Variants in MYO1E observed in about 807,000 individuals in gnomAD.
MYO1E encodes the protein myosin IE.
MYO1E carries 68 observed loss-of-function variants against 151.1 expected under a neutral mutation model. The observed-to-expected ratio is 0.45, with a 90% CI of 0.37 to 0.55. The LOEUF is 0.55. MYO1E is among the 20% of genes least tolerant of loss of function. The pLI is 0.00. For synonymous variants in MYO1E, 601 were observed against 501.7 expected (o/e 1.20, Z -2.64); for missense variants, 1,363 against 1,389.3 (o/e 0.98, Z 0.30).
intron 9 of MYO1E, among the ~76,000 whole-genome samples, chr15:59,219,045 G>A (rs1244890532): frequency 6.6e-6 from 1 of 152,192 alleles, no homozygotes; most frequent in Non-Finnish European, 1.5e-5. Flanking sequence ...GGCATTATAA[G>A]AAGATTCCTC....
intron 1 of MYO1E, among the ~76,000 whole-genome samples, chr15:59,308,431 G>T (rs1441083527): frequency 1.3e-5 from 2 of 152,004 alleles, no homozygotes; most frequent in Admixed American, 6.6e-5. Context: ...CAGCACTTTG[G>T]GAGGCCAAGG....
At chr15:59,330,466 T>C (rs2080691505) in intron 1 of MYO1E, among the ~76,000 whole-genome samples, 1 of 152,220 alleles carries the variant, frequency 6.6e-6, no homozygotes, top group Admixed American at 6.5e-5. Flanking sequence ...ACTCAATTAC[T>C]TGAAAAAGTA....
At chr15:59,186,577 C>A (rs1337838733) in intron 18 of MYO1E, among the ~76,000 whole-genome samples, 8 of 152,068 alleles carry the variant, frequency 5.3e-5, no homozygotes, top group Non-Finnish European at 7.3e-5. Flanking sequence ...CATAGCGAGA[C>A]CCTGTCTCTA....
intron 1 of MYO1E, among the ~76,000 whole-genome samples, chr15:59,361,050 C>T (rs1440611476): frequency 1.3e-5 from 2 of 152,148 alleles, no homozygotes; most frequent in African/African-American, 4.8e-5. Flanking sequence ...TCTTGGGAAC[C>T]CTGTGGTGTG....
At chr15:59,163,422 T>C (rs997643296) in intron 22 of MYO1E, 119 bp from the exon 23 acceptor site, 2 of 983,378 alleles carry the variant, frequency 2.0e-6, no homozygotes, top group Admixed American at 2.5e-5. Flanking sequence ...ACAGTCTTTC[T>C]TTCTATAAGT....
At chr15:59,167,581 G>A (rs972321610) in intron 22 of MYO1E, among the ~76,000 whole-genome samples, 3 of 152,174 alleles carry the variant, frequency 2.0e-5, no homozygotes, top group African/African-American at 7.2e-5. Flanking sequence ...CAGAAATCCC[G>A]TGTCTCAACT....
chr15:59,194,366 G>T (rs2079752973), intron 17 of MYO1E, among the ~76,000 whole-genome samples: 1 of 152,112 alleles, frequency 6.6e-6, no homozygotes, highest in African/African-American at 2.4e-5. Flanking sequence ...TTTGACCTAC[G>T]TGTTTTTCTT....
intron 9 of MYO1E, 103 bp downstream of exon 9, chr15:59,222,956 T>C: frequency 6.5e-7 from 1 of 1,538,158 alleles, no homozygotes; most frequent in East Asian, 2.3e-5. Flanking sequence ...TATCACTTCT[T>C]CCCAATATTC....
rs35710505 is a variant in MYO1E at position 59,312,858 on chromosome 15, A to AAATAAT, written c.4-40415_4-40410dup. Among the ~76,000 whole-genome samples the AAATAAT allele has an allele frequency of 3.5e-3, 534 of 150,630 alleles. 1 individual carries two copies. Among genetic ancestry groups the AAATAAT allele is most frequent in the African/African-American group, 0.01 (430 of 41,108 alleles). The stretch of plus-strand genomic sequence containing the variant: ...CACAATGAAACCCCGACTCTACTAA[A>AAATAAT]AATAATAATAATAATAATAATAATA... On this transcript the variant is annotated intron_variant, in intron 1 of 27. Coordinates refer to ENST00000288235, the MANE Select transcript of MYO1E (RefSeq NM_004998.4).
chr15:59,339,418 C>T (rs2080749624), intron 1 of MYO1E, among the ~76,000 whole-genome samples: 1 of 152,150 alleles, frequency 6.6e-6, no homozygotes, highest in Non-Finnish European at 1.5e-5. Context: ...ACGTACAAAA[C>T]CTTTGACCTA....
At chr15:59,284,665 G>C (rs1348422748) in intron 1 of MYO1E, among the ~76,000 whole-genome samples, 1 of 150,688 alleles carries the variant, frequency 6.6e-6, no homozygotes, top group Non-Finnish European at 1.5e-5. Flanking sequence ...TGTAGAGACA[G>C]GGTCCCACTG....
intron 19 of MYO1E, among the ~76,000 whole-genome samples, chr15:59,174,794 C>CGGAGCAGA (rs1566970714): frequency 6.6e-6 from 1 of 151,954 alleles, no homozygotes; most frequent in Non-Finnish European, 1.5e-5. Flanking sequence ...CAAGGACCAG[C>CGGAGCAGA]GGAGCAGAGG....
intron 15 of MYO1E, among the ~76,000 whole-genome samples, chr15:59,204,185 A>T (rs999139): frequency 0.31 from 47,232 of 152,134 alleles, 7,822 homozygotes; most frequent in East Asian, 0.59. Context: ...CAAATTGATT[A>T]TGTATGTTTT....
At chr15:59,299,696 G>C (rs904950358) in intron 1 of MYO1E, among the ~76,000 whole-genome samples, 1 of 152,214 alleles carries the variant, frequency 6.6e-6, no homozygotes. Context: ...TACCAGGTAA[G>C]CTGAGAAGAC....
chr15:59,233,417 G>A (rs1204536979), intron 5 of MYO1E, among the ~76,000 whole-genome samples: 16 of 152,214 alleles, frequency 1.1e-4, no homozygotes, highest in African/African-American at 1.9e-4. Flanking sequence ...TGTAATCCCA[G>A]CACTTTGGGA....
intron 2 of MYO1E, among the ~76,000 whole-genome samples, chr15:59,262,322 G>A (rs1384097792): frequency 6.6e-6 from 1 of 152,066 alleles, no homozygotes; most frequent in African/African-American, 2.4e-5. Context: ...CATCAATGAG[G>A]TAATTTTCTG....
intron 1 of MYO1E, among the ~76,000 whole-genome samples, chr15:59,273,411 G>A (rs971190593): frequency 3.3e-5 from 5 of 152,174 alleles, no homozygotes; most frequent in African/African-American, 1.2e-4. Context: ...TTGGGGAGCT[G>A]AGCACTTGGG....
intron 1 of MYO1E, among the ~76,000 whole-genome samples, chr15:59,303,947 C>T (rs2080498847): frequency 6.6e-6 from 1 of 151,486 alleles, no homozygotes; most frequent in African/African-American, 2.4e-5. Context: ...GGAGGAGTAT[C>T]AGGCAGGCGT....
chr15:59,214,781 C>A, intron 10 of MYO1E, 61 bp from the exon 11 acceptor site: 1 of 1,337,470 alleles, frequency 7.5e-7, no homozygotes, highest in Non-Finnish European at 1.1e-6. Context: ...AACGGGCATG[C>A]ACTGGGGAAA....
Sources: allele counts gnomAD v4.1 joint callset (sites outside exome capture counted in the v4.1 genomes callset), GRCh38; gene constraint gnomAD v4.1.1; transcripts MANE v1.5; gene names NCBI Gene and HGNC (gene_info 2026-07-23, HGNC 2026-07-21).